TEX9: variants seen among roughly 807,000 people sequenced by gnomAD.
TEX9 encodes testis expressed 9, also known as testis-expressed protein 9.
A neutral mutation model predicts 59.6 loss-of-function variants in TEX9; 74 were observed. The ratio of observed to expected loss-of-function variants is 1.24; its 90% CI spans 1.03 to 1.51. The LOEUF (loss-of-function observed/expected upper bound fraction) is 1.51, where lower values mean the gene tolerates loss of function less well. TEX9 is among the 40% of genes most tolerant of loss of function. The pLI, the probability that TEX9 is intolerant of heterozygous loss-of-function variation, is 0.00. For synonymous variants in TEX9, 186 were observed against 152.2 expected (o/e 1.22, Z -1.64); for missense variants, 522 against 447.8 (o/e 1.17, Z -1.49).
chr15:56,346,937 A>AT (rs2046482435), intron 1 of TEX9, among the ~76,000 whole-genome samples: 1 of 152,222 alleles, frequency 6.6e-6, no homozygotes, highest in Non-Finnish European at 1.5e-5. Flanking sequence ...ACTAGCAATG[A>AT]ACACTTGGGC....
intron 1 of TEX9, among the ~76,000 whole-genome samples, chr15:56,272,977 C>T (rs747684138): frequency 2.0e-5 from 3 of 150,212 alleles, no homozygotes; most frequent in Non-Finnish European, 4.4e-5. Flanking sequence ...GACAGAGTCT[C>T]ACTCTGTCAC....
At chr15:56,443,913 T>G in intron 12 of TEX9, 1 of 1,252,346 alleles carries the variant, frequency 8.0e-7, no homozygotes, top group Non-Finnish European at 1.1e-6. Context: ...AAAAGTAATT[T>G]CATTTTGTTC....
rs58565828 is a variant in TEX9 at position 56,304,592 on chromosome 15, C to T, written c.-107+60314C>T. Among the ~76,000 whole-genome samples the T allele has an allele frequency of 7.7e-3, 1,168 of 152,186 alleles. 14 individuals carry two copies. The highest frequency in any genetic ancestry group is 0.027 in the African/African-American group (1,133 of 41,502). ...ATCCTTGCATTCATGGGATAAATCC[C>T]ACTTTATCCCATGATGGTCATAGTC... On this transcript the variant is annotated intron_variant, in intron 1 of 5. Transcript: ENST00000560827.
At chr15:56,375,784 C>A (rs1439887132) in intron 3 of TEX9, among the ~76,000 whole-genome samples, 2 of 151,300 alleles carry the variant, frequency 1.3e-5, no homozygotes, top group African/African-American at 4.9e-5. Flanking sequence ...ATGTTTATTG[C>A]GGCACTATTC....
intron 7 of TEX9, 84 bp from the exon 8 acceptor site, chr15:56,394,081 C>T: frequency 7.7e-7 from 1 of 1,304,536 alleles, no homozygotes; most frequent in Non-Finnish European, 1.1e-6. Context: ...GTATTTTCTT[C>T]TTTATAAAGT....
At chr15:56,348,093 T>C (rs2046506804) in intron 1 of TEX9, among the ~76,000 whole-genome samples, 1 of 152,156 alleles carries the variant, frequency 6.6e-6, no homozygotes, top group Non-Finnish European at 1.5e-5. Flanking sequence ...AATTGTGATA[T>C]TGTGTTATAA....
chr15:56,441,295 T>C (rs767732656), intron 12 of TEX9, among the ~76,000 whole-genome samples: 5 of 152,154 alleles, frequency 3.3e-5, no homozygotes, highest in Admixed American at 6.6e-5. Context: ...AGACTTCCTT[T>C]ATGTCCTAGA....
chr15:56,376,979 C>T lies in TEX9; in HGVS notation c.183+3475C>T, dbSNP rs531808835. Among the ~76,000 whole-genome samples, 300 of 152,170 alleles carry T rather than the reference C, an allele frequency of 2.0e-3. 5 individuals carry two copies. Among genetic ancestry groups the T allele is most frequent in the African/African-American group, 6.8e-3 (284 of 41,534 alleles). On this transcript the variant is annotated intron_variant, in intron 3 of 12. Coordinates refer to ENST00000352903, the Ensembl canonical transcript of TEX9. ...CTTCTTCTTCTGCATGTGGATATTC[C>T]GTTTTCCCAGCACCATTTATTGAAG...
At chr15:56,452,128 G>A in the TEX9 span, among the ~76,000 whole-genome samples, 3 of 152,042 alleles carry the variant, frequency 2.0e-5, no homozygotes, top group African/African-American at 4.8e-5. Context: ...CTTCTGTGTT[G>A]GGGGTTCCCA....
upstream of TEX9, among the ~76,000 whole-genome samples, chr15:56,365,266 G>A (rs1462559764): frequency 1.3e-5 from 2 of 152,160 alleles, no homozygotes; most frequent in African/African-American, 4.8e-5. Context: ...AGCCTTCCTG[G>A]GTTCCTGGGA....
chr15:56,363,932 C>A (rs896956935), upstream of TEX9, among the ~76,000 whole-genome samples: 8 of 150,310 alleles, frequency 5.3e-5, no homozygotes, highest in African/African-American at 1.5e-4. Context: ...ATCCTCCTGA[C>A]TTAGCCTCCA....
chr15:56,344,618 C>T (rs567105431), intron 1 of TEX9, among the ~76,000 whole-genome samples: 1 of 152,116 alleles, frequency 6.6e-6, no homozygotes, highest in African/African-American at 2.4e-5. Flanking sequence ...TGAAAAACCA[C>T]AGAATTGTTC....
intron 12 of TEX9, among the ~76,000 whole-genome samples, chr15:56,442,946 T>C (rs2050844321): frequency 6.6e-6 from 1 of 152,170 alleles, no homozygotes. Flanking sequence ...ATTGTGGATT[T>C]GCCTCTTTCT....
chr15:56,246,141 A>G (rs2043850616), intron 1 of TEX9, among the ~76,000 whole-genome samples: 1 of 152,176 alleles, frequency 6.6e-6, no homozygotes, highest in Non-Finnish European at 1.5e-5. Context: ...GCAACTTCTG[A>G]GAGTTTTTAA....
intron 1 of TEX9, among the ~76,000 whole-genome samples, chr15:56,249,743 A>AAAAAAC (rs2043968695): frequency 1.2e-5 from 1 of 83,088 alleles, no homozygotes; most frequent in Non-Finnish European, 2.4e-5. Flanking sequence ...GATCTGTCTC[A>AAAAAAC]AAAAAAAAAA....
intron 1 of TEX9, among the ~76,000 whole-genome samples, chr15:56,317,662 A>C (rs2045807907): frequency 6.6e-6 from 1 of 152,190 alleles, no homozygotes; most frequent in African/African-American, 2.4e-5. Context: ...AGGCCTTTAT[A>C]GCTAGACATT....
At chr15:56,314,894 C>T (rs1457986776) in intron 1 of TEX9, among the ~76,000 whole-genome samples, 1 of 151,774 alleles carries the variant, frequency 6.6e-6, no homozygotes. Context: ...GATCCCTTTA[C>T]CATTATGTAA....
At chr15:56,341,062 G>C (rs538991743) in intron 1 of TEX9, among the ~76,000 whole-genome samples, 1 of 152,154 alleles carries the variant, frequency 6.6e-6, no homozygotes, top group East Asian at 1.9e-4. Context: ...GGCTTGCTAG[G>C]GTTGGAAATG....
intron 4 of TEX9, among the ~76,000 whole-genome samples, chr15:56,387,817 ATGAG>A (rs1460295447): frequency 1.3e-5 from 2 of 151,978 alleles, no homozygotes; most frequent in Non-Finnish European, 2.9e-5. Context: ...TAATACATAA[ATGAG>A]TGAGTGGGTG....
Sources: gnomAD v4.1 joint callset for allele counts (sites outside exome capture counted in the v4.1 genomes callset) on GRCh38, gnomAD v4.1.1 for gene constraint, MANE v1.5 for transcripts, NCBI Gene and HGNC (gene_info 2026-07-23, HGNC 2026-07-21) for gene names.